MLYCD: variants seen among roughly 807,000 people sequenced by gnomAD.
MLYCD encodes malonyl-CoA decarboxylase, mitochondrial.
In MLYCD, 27 loss-of-function variants were observed where a neutral mutation model predicts 35.8. The observed-to-expected ratio is 0.75, with a 90% confidence interval of 0.56 to 1.04. The LOEUF is 1.04. Among genes scored for constraint, MLYCD ranks in the 50% least tolerant of loss-of-function variants. The pLI is 0.00. For missense variants in MLYCD, 917 were observed against 665.1 expected (o/e 1.38, Z -4.17); for synonymous variants, 403 against 302.4 (o/e 1.33, Z -3.45).
rs939596185 is a variant in MLYCD at position 83,924,195 on chromosome 16, C to G, written c.*8706C>G. 1 of 152,270 alleles carries G rather than the reference C, an allele frequency of 6.6e-6. No homozygotes were observed. Among genetic ancestry groups the G allele is most frequent in the South Asian group, 2.1e-4 (1 of 4,816 alleles). 9.4% of individuals were successfully genotyped at this position (152,270 alleles called of 1,614,324 possible). ...ACAGCTCCGCCGCCACAGAGACAGCCTCCTCTCATGACCCCAGACTCAGCC... is the reference window on the plus strand; with the variant it reads ...ACAGCTCCGCCGCCACAGAGACAGCGTCCTCTCATGACCCCAGACTCAGCC... On this transcript the variant is annotated 3_prime_UTR_variant, in exon 5 of 5. Transcript: ENST00000262430.
intron 1 of MLYCD, among the ~76,000 whole-genome samples, chr16:83,900,627 T>C (rs1367285338): frequency 1.4e-5 from 2 of 147,508 alleles, no homozygotes; most frequent in Non-Finnish European, 3.0e-5. Context: ...CGTTTCACCA[T>C]GTGGCCCAGG....
intron 4 of MLYCD, chr16:83,913,882 C>A (rs552379324): frequency 3.4e-4 from 51 of 149,418 alleles, no homozygotes; most frequent in African/African-American, 1.3e-3. Context: ...ACGAGAGGAA[C>A]ATGGTGAGGA....
At chr16:83,911,112 G>A (rs552657357) in intron 3 of MLYCD, among the ~76,000 whole-genome samples, 1 of 152,270 alleles carries the variant, frequency 6.6e-6, no homozygotes, top group South Asian at 2.1e-4. Flanking sequence ...TAGTAGCTGG[G>A]ACTACAGGCA....
Position 83,899,618 on chromosome 16 carries a change from G to A in MLYCD, c.474G>A (p.Arg158=), listed in dbSNP as rs781470287. 15 of 1,573,050 alleles carry A rather than the reference G, an allele frequency of 9.5e-6. No homozygotes were observed. The highest frequency in any genetic ancestry group is 1.3e-5 in the Non-Finnish European group (15 of 1,168,468). ...DGGVRFLVQL[R]ADLLEAQALK... ...GCGTGCGCTTCCTGGTGCAGCTGCG[G>A]GCCGACCTGCTGGAGGCGCAGGCCC... is the stretch of plus-strand genomic sequence containing the variant. The change falls in exon 1 of 5, where the codon CGG becomes CGA. Residue 158 remains arginine, a synonymous_variant. Transcript: ENST00000262430.
chr16:83,906,802 C>G (rs1906992698), intron 1 of MLYCD, among the ~76,000 whole-genome samples, 185 bp from the exon 2 acceptor site: 1 of 152,032 alleles, frequency 6.6e-6, no homozygotes, highest in African/African-American at 2.4e-5. Context: ...CGAAAGAAAG[C>G]CTGACTTGGT....
rs142776820 is a variant in MLYCD, at chr16:83,906,545, G to A, written c.529-442G>A. On this transcript the variant is annotated intron_variant, in intron 1 of 4. Transcript: ENST00000262430. ...CTTGTCTTTCTTAGGAAATGTAGGCGTAATGTTTTGACGTATCAAAGAAGG... is the reference window on the plus strand; with the variant it reads ...CTTGTCTTTCTTAGGAAATGTAGGCATAATGTTTTGACGTATCAAAGAAGG... 4.6e-3 allele frequency among the ~76,000 whole-genome samples: 708 copies of A among 152,296 alleles called. 5 individuals are homozygous for A. Among genetic ancestry groups the A allele is most frequent in the African/African-American group, 0.016 (663 of 41,570 alleles).
At chr16:83,902,842 C>A (rs1490882778) in intron 1 of MLYCD, among the ~76,000 whole-genome samples, 2 of 152,232 alleles carry the variant, frequency 1.3e-5, no homozygotes, top group African/African-American at 4.8e-5. Flanking sequence ...TTCCTCTGAT[C>A]TGAGTGAGTT....
chr16:83,912,770 C>T lies in MLYCD; in HGVS notation c.948+403C>T, dbSNP rs9934376. On this transcript the variant is annotated intron_variant, in intron 4 of 4. Coordinates refer to ENST00000262430, the MANE Select transcript of MLYCD (RefSeq NM_012213.3). ...TCCTGCCACGCCTGTCCTCCCCCTGCCCCTGCCCACACTCTCAGGGCCTCT... is the reference window on the plus strand; with the variant it reads ...TCCTGCCACGCCTGTCCTCCCCCTGTCCCTGCCCACACTCTCAGGGCCTCT... The T allele has an allele frequency of 2.7e-3, 877 of 326,426 alleles. 10 individuals are homozygous for T. The highest frequency in any genetic ancestry group is 0.018 in the African/African-American group (817 of 46,642). 20.2% of individuals were successfully genotyped at this position (326,426 alleles called of 1,614,324 possible).
rs1907649071 is a variant in MLYCD, at chr16:83,921,396, G to A, written c.*5907G>A. The A allele has an allele frequency of 7.1e-6, 1 of 141,798 alleles. No individual in the cohort carries two copies. The highest frequency in any genetic ancestry group is 2.6e-5 in the African/African-American group (1 of 38,072). The allele number at this position is 141,798 out of a possible 1,614,324, so 8.8% of individuals were successfully genotyped here. On this transcript the variant is annotated 3_prime_UTR_variant, in exon 5 of 5. Coordinates refer to ENST00000262430, the MANE Select transcript of MLYCD (RefSeq NM_012213.3). ...ATGGATGGATGGATAGATGGATGGAGGAGGGTGGATGGAAGGAAGGAGGAT... is the reference window on the plus strand; with the variant it reads ...ATGGATGGATGGATAGATGGATGGAAGAGGGTGGATGGAAGGAAGGAGGAT...
At chr16:83,912,630 A>G (rs957069305) in intron 4 of MLYCD, 12 of 500,268 alleles carry the variant, frequency 2.4e-5, no homozygotes, top group East Asian at 1.9e-4. Flanking sequence ...GAGGTCATCA[A>G]CTCTCTCTAG....
intron 3 of MLYCD, among the ~76,000 whole-genome samples, chr16:83,911,460 C>T (rs187056497): frequency 4.3e-4 from 65 of 152,264 alleles, no homozygotes; most frequent in African/African-American, 1.4e-3. Flanking sequence ...AAAAGGTAGC[C>T]CCCTGCTGTT....
chr16:83,925,111 C>T lies in MLYCD; in HGVS notation c.*9622C>T, dbSNP rs1330612045. 6.6e-6 allele frequency: 1 copy of T among 152,344 alleles called. No homozygotes were observed. Among genetic ancestry groups the T allele is most frequent in the Non-Finnish European group, 1.5e-5 (1 of 68,134 alleles). 9.4% of individuals were successfully genotyped at this position (152,344 alleles called of 1,614,324 possible). A position where few individuals can be genotyped will look rare whatever the true frequency, so the allele number is the denominator to read the frequency against. ...TCATTGTTAACAGAGCTTCTTTTCA[C>T]TCTGAAGTGTTCAGTTAGGACAGTC... On this transcript the variant is annotated 3_prime_UTR_variant, in exon 5 of 5. Coordinates refer to ENST00000262430, the MANE Select transcript of MLYCD (RefSeq NM_012213.3).
rs1371831725 is a variant in MLYCD at position 83,907,096 on chromosome 16, G to T, written c.638G>T (p.Ser213Ile). 6.2e-7 allele frequency: 1 copy of T among 1,610,106 alleles called. No individual in the cohort carries two copies. Among genetic ancestry groups the T allele is most frequent in the Non-Finnish European group, 8.5e-7 (1 of 1,176,390 alleles). Residue 213 changes from serine (S) to isoleucine (I), a missense_variant, in exon 2 of 5, where the codon AGT becomes ATT. Transcript: ENST00000262430. ...CCGTGTGAAGTGCTTCAGAAAATCA[G>T]TGAGTAAGTATTACGGTTTTCATTT... ...HSPCEVLQKI[S>I]EAEAVHPVKN...
At chr16:83,912,695 TGTAA>T (rs1907223281) in intron 4 of MLYCD, 1 of 377,016 alleles carries the variant, frequency 2.7e-6, no homozygotes, top group Non-Finnish European at 5.1e-6. Flanking sequence ...GTCATCCTGG[TGTAA>T]GTGTCACTCT....
At position 83,919,524 on chromosome 16, in the gene MLYCD, A is replaced by G. The variant is rs1012883140; in HGVS notation, c.*4035A>G. 2 of 152,016 alleles carry G rather than the reference A, an allele frequency of 1.3e-5. No homozygotes were observed. The highest frequency in any genetic ancestry group is 4.9e-5 in the African/African-American group (2 of 40,882). The allele number at this position is 152,016 out of a possible 1,614,324, so 9.4% of individuals were successfully genotyped here. A position where few individuals can be genotyped will look rare whatever the true frequency, so the allele number is the denominator to read the frequency against. Reference sequence around the variant, plus strand: ...ACACAGTGCACAGAACACACAGGGCACAGGAGAACACACAGTGCACAGGAG... The same window carrying G: ...ACACAGTGCACAGAACACACAGGGCGCAGGAGAACACACAGTGCACAGGAG... On this transcript the variant is annotated 3_prime_UTR_variant, in exon 5 of 5. Coordinates refer to ENST00000262430, the MANE Select transcript of MLYCD (RefSeq NM_012213.3).
rs1907572607 is a variant in MLYCD, at chr16:83,919,515, A to ACACGGGG, written c.*4029_*4030insGGGGCAC. ...GGAGAGAACACACAGTGCACAGAAC[A>ACACGGGG]CACAGGGCACAGGAGAACACACAGT... On this transcript the variant is annotated 3_prime_UTR_variant, in exon 5 of 5. Coordinates refer to ENST00000262430, the MANE Select transcript of MLYCD (RefSeq NM_012213.3). 2 of 152,680 alleles carry ACACGGGG rather than the reference A, an allele frequency of 1.3e-5. No individual in the cohort carries two copies. Among genetic ancestry groups the ACACGGGG allele is most frequent in the African/African-American group, 4.9e-5 (2 of 41,062 alleles). 9.5% of individuals were successfully genotyped at this position (152,680 alleles called of 1,614,324 possible).
intron 3 of MLYCD, among the ~76,000 whole-genome samples, chr16:83,910,662 G>A (rs1907142032): frequency 6.7e-6 from 1 of 148,966 alleles, no homozygotes; most frequent in African/African-American, 2.5e-5. Flanking sequence ...CTGCACTCCA[G>A]CCTGGGCGAC....
At chr16:83,901,992 C>T (rs1290663244) in intron 1 of MLYCD, among the ~76,000 whole-genome samples, 1 of 151,864 alleles carries the variant, frequency 6.6e-6, no homozygotes, top group Non-Finnish European at 1.5e-5. Flanking sequence ...TATTGTGCCC[C>T]TTCCATTTCT....
chr16:83,902,150 CGT>C (rs1177814285), intron 1 of MLYCD, among the ~76,000 whole-genome samples: 4 of 39,478 alleles, frequency 1.0e-4, no homozygotes, highest in South Asian at 8.9e-4. Context: ...TGTGTGTGTG[CGT>C]GCGTATATAT....
Sources: gnomAD v4.1 joint callset for allele counts (sites outside exome capture counted in the v4.1 genomes callset) on GRCh38, gnomAD v4.1.1 for gene constraint, MANE v1.5 for transcripts, NCBI Gene and HGNC (gene_info 2026-07-23, HGNC 2026-07-21) for gene names.